Variants in TRRAP observed in about 807,000 individuals in gnomAD.
TRRAP encodes the protein transformation/transcription domain associated protein, also known as transformation/transcription domain-associated protein.
In TRRAP, 41 loss-of-function variants were observed where a neutral mutation model predicts 438.8. The ratio of observed to expected loss-of-function variants is 0.09; its 90% CI spans 0.07 to 0.12. TRRAP has a LOEUF of 0.12. Among genes scored for constraint, TRRAP ranks in the 10% least tolerant of loss-of-function variants. The pLI, the probability that TRRAP is intolerant of heterozygous loss-of-function variation, is 1.00. For missense variants in TRRAP, 3,122 were observed against 5,055.1 expected, an observed-to-expected ratio of 0.62 and a Z score of 11.60; for synonymous variants, 1,994 against 1,962.9, an observed-to-expected ratio of 1.02 and a Z score of -0.42.
rs749947970 is a variant in TRRAP, at chr7:98,978,803, A to G, written c.8533A>G (p.Thr2845Ala). The G allele has an allele frequency of 6.2e-7, 1 of 1,614,224 alleles. No homozygotes were observed. Among genetic ancestry groups the G allele is most frequent in the Non-Finnish European group, 8.5e-7 (1 of 1,180,052 alleles). Residue 2845 changes from threonine (T) to alanine (A), a missense_variant, in exon 58 of 73, where the codon ACG becomes GCG. This residue lies in a region of TRRAP where 992 missense variants were observed against 1,281.2 expected (regional missense o/e 0.77). Coordinates refer to ENST00000456197, the MANE Select transcript of TRRAP (RefSeq NM_001375524.1). ...SKELNQWEALTEYGQSKGHIN... is the reference protein window; with the variant it reads ...SKELNQWEALAEYGQSKGHIN... ...GGAATTGAACCAGTGGGAAGCCCTGACGGAGTACGGTCAGTCCAAAGGCCA... is the reference window on the plus strand; with the variant it reads ...GGAATTGAACCAGTGGGAAGCCCTGGCGGAGTACGGTCAGTCCAAAGGCCA...
At chr7:98,916,645 C>A (rs781982051) in intron 19 of TRRAP, among the ~76,000 whole-genome samples, 1 of 152,152 alleles carries the variant, frequency 6.6e-6, no homozygotes, top group Non-Finnish European at 1.5e-5. Flanking sequence ...CGGATTTAAC[C>A]CTGTCTCTAG....
chr7:98,993,745 G>A lies in TRRAP; in HGVS notation c.10047+8G>A. 1 of 1,614,136 alleles carries A rather than the reference G, an allele frequency of 6.2e-7. No homozygotes were observed. On this transcript the variant is annotated splice_region_variant and intron_variant, in intron 66 of 72. Transcript: ENST00000456197. ...GAAAATTGGCATGAAGAGGTATTTG[G>A]CTCTGATCTTGCACATGGTGGCTCC...
At chr7:98,934,625 A>T (rs912667013) in intron 27 of TRRAP, among the ~76,000 whole-genome samples, 3 of 152,028 alleles carry the variant, frequency 2.0e-5, no homozygotes, top group African/African-American at 7.3e-5. Context: ...AAAAGCATGG[A>T]CTCGAGTCCT....
At position 98,898,469 on chromosome 7, in the gene TRRAP, C is replaced by A. The variant is rs546517804; in HGVS notation, c.633+603C>A. The stretch of plus-strand genomic sequence containing the variant: ...ACAATTTTTGTGATTGAATTATTAT[C>A]CATGTTTGTTTTTCTGAAATGGTTG... On this transcript the variant is annotated intron_variant, in intron 8 of 72. Coordinates refer to ENST00000456197, the MANE Select transcript of TRRAP (RefSeq NM_001375524.1). 3.3e-5 allele frequency among the ~76,000 whole-genome samples: 5 copies of A among 152,262 alleles called. No individual in the cohort carries two copies. In the East Asian group the frequency reaches 9.6e-4, roughly 29 times the overall value.
At chr7:99,002,592 T>C (rs1793980238) in intron 67 of TRRAP, among the ~76,000 whole-genome samples, 1 of 152,170 alleles carries the variant, frequency 6.6e-6, no homozygotes, top group South Asian at 2.1e-4. Context: ...GCGGCTCTGC[T>C]GGGGGATCTC....
intron 69 of TRRAP, among the ~76,000 whole-genome samples, chr7:99,007,739 C>T (rs946070489): frequency 7.2e-5 from 11 of 152,020 alleles, no homozygotes; most frequent in South Asian, 2.1e-4. Flanking sequence ...GCCTCCAACT[C>T]CTGGGCTCAA....
chr7:98,982,705 A>G (rs1792986825), intron 59 of TRRAP, among the ~76,000 whole-genome samples: 1 of 152,224 alleles, frequency 6.6e-6, no homozygotes, highest in South Asian at 2.1e-4. Context: ...TGGTGCCAAC[A>G]GCGCATCTGG....
intron 52 of TRRAP, 84 bp from the exon 53 acceptor site, chr7:98,971,715 A>T: frequency 6.7e-7 from 1 of 1,502,038 alleles, no homozygotes. Context: ...CCAAAATTGT[A>T]ACAAGAAGCC....
chr7:99,006,970 G>A (rs1005784953), intron 69 of TRRAP, among the ~76,000 whole-genome samples: 11 of 152,188 alleles, frequency 7.2e-5, no homozygotes, highest in African/African-American at 2.7e-4. Context: ...CGCTCCTGCC[G>A]CCTCCAGCTG....
rs1790288148 is a variant in TRRAP, at chr7:98,930,697, C to G, written c.3458C>G (p.Ala1153Gly). 6 of 1,614,196 alleles carry G rather than the reference C, an allele frequency of 3.7e-6. No individual in the cohort carries two copies. Among genetic ancestry groups the G allele is most frequent in the African/African-American group, 1.3e-5 (1 of 75,044 alleles). The change falls in exon 25 of 73, where the codon GCG becomes GGG. Residue 1153 changes from alanine (A) to glycine (G), a missense_variant. This residue lies in a region of TRRAP where 153 missense variants were observed against 223.0 expected (regional missense o/e 0.69). Coordinates refer to ENST00000456197, the MANE Select transcript of TRRAP (RefSeq NM_001375524.1). Reference sequence around the variant, plus strand: ...CTGTGTGCATGTTGTTATGAACAGGCGTGGTATGCAAAGCTGGGGGGTGTG... The same window carrying G: ...CTGTGTGCATGTTGTTATGAACAGGGGTGGTATGCAAAGCTGGGGGGTGTG... Reference protein sequence around the residue: ...ERLCACCYEQAWYAKLGGVVS... With the variant: ...ERLCACCYEQGWYAKLGGVVS...
intron 67 of TRRAP, among the ~76,000 whole-genome samples, chr7:99,003,656 C>T (rs893943544): frequency 6.6e-6 from 1 of 152,210 alleles, no homozygotes; most frequent in South Asian, 2.1e-4. Context: ...GCTGGTGGTT[C>T]CTCTCTTCCT....
intron 47 of TRRAP, among the ~76,000 whole-genome samples, chr7:98,962,632 T>C (rs1201468055): frequency 6.6e-6 from 1 of 152,206 alleles, no homozygotes; most frequent in Non-Finnish European, 1.5e-5. Flanking sequence ...TGCTCTGTGC[T>C]CCCTCCTCAG....
chr7:98,912,764 G>A (rs569721231), intron 18 of TRRAP, among the ~76,000 whole-genome samples: 38 of 152,122 alleles, frequency 2.5e-4, no homozygotes, highest in Non-Finnish European at 4.6e-4. Flanking sequence ...TGACAGTGCC[G>A]ATTGTTACCA....
intron 66 of TRRAP, 85 bp downstream of exon 66, chr7:98,993,822 G>A: frequency 7.2e-7 from 1 of 1,382,238 alleles, no homozygotes; most frequent in Non-Finnish European, 1.0e-6. Context: ...CTTCCCTTGA[G>A]CTTTAGTTGC....
chr7:98,945,849 A>G, intron 32 of TRRAP, 49 bp downstream of exon 32: 1 of 1,576,840 alleles, frequency 6.3e-7, no homozygotes, highest in South Asian at 1.2e-5. Flanking sequence ...ATGTGAAGAA[A>G]AGTTTACCTT....
chr7:98,910,957 C>T, intron 16 of TRRAP, 120 bp from the exon 17 acceptor site: 1 of 778,622 alleles, frequency 1.3e-6, no homozygotes. Flanking sequence ...TGGAGGGGGA[C>T]ATTTGTTATC....
At chr7:98,981,619 T>G in intron 58 of TRRAP, 150 bp from the exon 59 acceptor site, 1 of 769,954 alleles carries the variant, frequency 1.3e-6, no homozygotes, top group Non-Finnish European at 2.0e-6. Context: ...ACGCATGACT[T>G]CTCTAAAGAA....
chr7:98,949,346 A>C, intron 35 of TRRAP, 71 bp from the exon 36 acceptor site: 1 of 1,391,266 alleles, frequency 7.2e-7, no homozygotes, highest in Non-Finnish European at 9.4e-7. Context: ...GAAAGATTTA[A>C]CATTCATATC....
Position 98,916,038 on chromosome 7 carries a change from C to T in TRRAP, c.2365+150C>T, listed in dbSNP as rs559242334. The T allele has an allele frequency of 3.8e-6, 4 of 1,049,746 alleles. No individual in the cohort carries two copies. In the East Asian group the frequency reaches 7.9e-5, roughly 21 times the overall value. The allele number at this position is 1,049,746 out of a possible 1,614,324, so 65.0% of individuals were successfully genotyped here. A position where few individuals can be genotyped will look rare whatever the true frequency, so the allele number is the denominator to read the frequency against. On this transcript the variant is annotated intron_variant, in intron 19 of 72. Transcript: ENST00000456197. ...GGCACATCCGCCGCCCCCCTGCCCC[C>T]CTCCCCTGGCCCTGGTCATCTACTG...
Sources: allele counts gnomAD v4.1 joint callset (sites outside exome capture counted in the v4.1 genomes callset), GRCh38; gene constraint gnomAD v4.1.1; regional missense constraint gnomAD v4.1.1; transcripts MANE v1.5; gene names NCBI Gene and HGNC (gene_info 2026-07-23, HGNC 2026-07-21).